The following GPHN variants were observed in gnomAD, a reference collection of about 807,000 sequenced individuals.
GPHN encodes gephyrin.
Under a neutral mutation model 95.5 loss-of-function variants are expected in GPHN, and 17 were observed. The observed-to-expected ratio is 0.18, with a 90% confidence interval of 0.12 to 0.27. GPHN has a LOEUF of 0.27. GPHN is among the 10% of genes least tolerant of loss of function. GPHN has a pLI of 1.00. For missense variants in GPHN, 660 were observed against 978.1 expected (o/e 0.67, Z 4.34); for synonymous variants, 320 against 322.5 (o/e 0.99, Z 0.08).
the GPHN span, among the ~76,000 whole-genome samples, chr14:67,660,624 T>C: frequency 2.8e-4 from 43 of 152,312 alleles, no homozygotes; most frequent in South Asian, 8.3e-3. Context: ...TTTGTCTCCA[T>C]GTCAGAGAGA....
chr14:67,397,524 GC>G, the GPHN span: 1 of 668,370 alleles, frequency 1.5e-6, no homozygotes, highest in Non-Finnish European at 2.5e-6. Flanking sequence ...CTGGTATGTG[GC>G]GGAGCCAGGA....
intron 1 of GPHN, among the ~76,000 whole-genome samples, chr14:66,668,920 G>A (rs1322446529): frequency 3.4e-5 from 5 of 145,578 alleles, no homozygotes; most frequent in Non-Finnish European, 7.5e-5. Context: ...TCGCACTGTC[G>A]CCCAGGCTGG....
At chr14:66,819,512 G>C (rs2061105776) in intron 3 of GPHN, among the ~76,000 whole-genome samples, 1 of 151,992 alleles carries the variant, frequency 6.6e-6, no homozygotes, top group Admixed American at 6.6e-5. Flanking sequence ...TGTTCCATTG[G>C]TCCATGTGTC....
chr14:67,574,732 G>C, the GPHN span, among the ~76,000 whole-genome samples: 2 of 152,044 alleles, frequency 1.3e-5, no homozygotes, highest in Non-Finnish European at 2.9e-5. The surrounding 1 kb of genome is among the most constrained non-coding windows in gnomAD (Gnocchi z 4.2). Context: ...GGGAGGAAGA[G>C]GCCTGGGCGA....
intron 10 of GPHN, among the ~76,000 whole-genome samples, chr14:67,032,946 A>G (rs771578892): frequency 2.0e-5 from 3 of 152,218 alleles, no homozygotes; most frequent in Non-Finnish European, 4.4e-5. Flanking sequence ...GAGATTTATG[A>G]TTACCTGGCA....
At chr14:67,126,439 A>G (rs1367153272) in intron 17 of GPHN, among the ~76,000 whole-genome samples, 4 of 152,242 alleles carry the variant, frequency 2.6e-5, no homozygotes, top group Non-Finnish European at 5.9e-5. Context: ...ACTTAAAAGA[A>G]TGAGTAGGAT....
chr14:66,543,688 G>A (rs11158633), intron 1 of GPHN, among the ~76,000 whole-genome samples: 47,241 of 151,886 alleles, frequency 0.31, 11,170 homozygotes, highest in African/African-American at 0.64. Flanking sequence ...TCTAGTTGGG[G>A]CTATCCTTGA....
intron 4 of GPHN, among the ~76,000 whole-genome samples, chr14:66,845,860 TCTGTGTGC>T (rs1267829866): frequency 7.1e-6 from 1 of 140,446 alleles, no homozygotes; most frequent in Non-Finnish European, 1.6e-5. Flanking sequence ...TGTGTGTGTG[TCTGTGTGC>T]GTGCGCACAC....
the GPHN span, chr14:67,382,431 T>C: frequency 1.9e-6 from 3 of 1,603,502 alleles, no homozygotes; most frequent in African/African-American, 4.0e-5. Flanking sequence ...AATGAATTTT[T>C]GTCTTTCTCT....
rs112923915 is a variant in GPHN at position 66,534,513 on chromosome 14, T to C, written c.64+25922T>C. Among the ~76,000 whole-genome samples, 326 of 152,296 alleles carry C rather than the reference T, an allele frequency of 2.1e-3. 1 individual carries two copies. The highest frequency in any genetic ancestry group is 7.4e-3 in the African/African-American group (306 of 41,578). On this transcript the variant is annotated intron_variant, in intron 1 of 22. Transcript: ENST00000478722. ...TATTTATTCTTCTGTTAATGGACAT[T>C]TGAATTGTTTCTAATTTTTGACTTA...
chr14:67,727,109 C>T, the GPHN span: 129 of 1,614,208 alleles, frequency 8.0e-5, 1 homozygote, highest in East Asian at 8.5e-4. Context: ...GAGCGAGAAG[C>T]GCTACAGCAG....
intron 8 of GPHN, among the ~76,000 whole-genome samples, chr14:66,939,087 C>G (rs1276384915): frequency 6.6e-6 from 1 of 152,136 alleles, no homozygotes; most frequent in Middle Eastern, 3.2e-3. Flanking sequence ...CAATACAACT[C>G]TTGGAGTCAA....
At chr14:66,783,476 C>T (rs1037849084) in intron 3 of GPHN, among the ~76,000 whole-genome samples, 1 of 152,158 alleles carries the variant, frequency 6.6e-6, no homozygotes, top group Non-Finnish European at 1.5e-5. Flanking sequence ...GCTGAGCCTC[C>T]ATCCCCATTC....
At chr14:67,282,538 A>G in the GPHN span, among the ~76,000 whole-genome samples, 3 of 152,162 alleles carry the variant, frequency 2.0e-5, no homozygotes, top group East Asian at 1.9e-4. Flanking sequence ...TTGACAATGT[A>G]TGATAATAAA....
chr14:67,248,583 G>A, the GPHN span, among the ~76,000 whole-genome samples: 1 of 152,090 alleles, frequency 6.6e-6, no homozygotes, highest in Non-Finnish European at 1.5e-5. Flanking sequence ...CCTCAAAGAC[G>A]TTGAAATTTT....
chr14:66,878,840 A>C (rs1302259144), intron 4 of GPHN, among the ~76,000 whole-genome samples: 1 of 152,134 alleles, frequency 6.6e-6, no homozygotes, highest in Non-Finnish European at 1.5e-5. Context: ...CAGAAATACC[A>C]TTTGACCCAT....
the GPHN span, chr14:67,691,106 C>G: frequency 6.9e-7 from 1 of 1,458,520 alleles, no homozygotes; most frequent in Non-Finnish European, 9.6e-7. Flanking sequence ...AATTTTGGGT[C>G]TCTCTAGCTT....
At chr14:66,825,448 A>G (rs541809126) in intron 4 of GPHN, among the ~76,000 whole-genome samples, 1 of 152,256 alleles carries the variant, frequency 6.6e-6, no homozygotes, top group Non-Finnish European at 1.5e-5. Context: ...TAATAGTACA[A>G]TGGTTTTCAA....
chr14:66,611,293 G>A (rs1445774128), intron 1 of GPHN, among the ~76,000 whole-genome samples: 2 of 152,102 alleles, frequency 1.3e-5, no homozygotes, highest in Non-Finnish European at 2.9e-5. Context: ...TACATACAAA[G>A]CATTATTTTC....
Sources: allele counts gnomAD v4.1 joint callset (sites outside exome capture counted in the v4.1 genomes callset), GRCh38; gene constraint gnomAD v4.1.1; non-coding constraint Gnocchi (gnomAD v3.1); transcripts MANE v1.5; gene names NCBI Gene and HGNC (gene_info 2026-07-23, HGNC 2026-07-21).